The following MAGEC2 variants were observed in gnomAD, a reference collection of about 807,000 sequenced individuals.
MAGEC2 encodes melanoma-associated antigen C2.
For synonymous variants in MAGEC2, 127 were observed against 115.1 expected, an observed-to-expected ratio of 1.10 and a Z score of -0.66; for missense variants, 332 against 282.3, an observed-to-expected ratio of 1.18 and a Z score of -1.26.
In MAGEC2 at chrX:142,203,136, C is replaced by G. The variant is rs1253355356; in HGVS notation, c.852G>C (p.Leu284=). 2 of 1,211,564 alleles carry G rather than the reference C, an allele frequency of 1.7e-6. No individual in the cohort carries two copies. Among genetic ancestry groups the G allele is most frequent in the South Asian group, 3.5e-5 (2 of 56,933 alleles). Residue 284 remains leucine (L), a synonymous_variant, in exon 3 of 3, where the codon CTG becomes CTC. Transcript: ENST00000247452. ...AACTGTGGGGCACCTCCCGATACTC[C>G]AGGTAATGTCCCTGCACCCAAACTT... ...LTKVWVQGHY[L]EYREVPHSSP...
In MAGEC2 at chrX:142,203,701, G is replaced by C. The variant is rs1931190444; in HGVS notation, c.287C>G (p.Ser96Cys). The change falls in exon 3 of 3, where the codon TCC becomes TGC. Residue 96 changes from serine (S) to cysteine (C), a missense_variant. Physicochemically the swap from Ser to Cys is moderately radical, Grantham distance 112. Transcript: ENST00000247452. ...GCAGCAGGAGCTCAGAGGACTCTGG[G>C]AAGGACCCTGTGGAGGACCCTGTGG... ...SPPQGPPQGPSQSPLSSCCSS... is the reference protein window; with the variant it reads ...SPPQGPPQGPCQSPLSSCCSS... 1 of 1,210,382 alleles carries C rather than the reference G, an allele frequency of 8.3e-7. No individual in the cohort carries two copies. The highest frequency in any genetic ancestry group is 1.1e-6 in the Non-Finnish European group (1 of 895,061).
At position 142,202,877 on chromosome X, in the gene MAGEC2, A is replaced by C; in HGVS notation, c.1111T>G (p.Phe371Val). Residue 371 changes from phenylalanine (F) to valine (V), a missense_variant, in exon 3 of 3, where the codon TTT (phenylalanine) becomes GTT (valine). By Grantham distance (50) the Phe-to-Val change is conservative. Coordinates refer to ENST00000247452, the MANE Select transcript of MAGEC2 (RefSeq NM_016249.4). Reference protein sequence around the residue: ...SLSVMSSNVSFSE With the variant: ...SLSVMSSNVSVSE ...AACTATCCTAGACTTCACTCAGAAA[A>C]GGAGACGTTGCTGGACATGACACTG... 1 of 1,208,138 alleles carries C rather than the reference A, an allele frequency of 8.3e-7. No individual in the cohort carries two copies. Among genetic ancestry groups the C allele is most frequent in the East Asian group, 3.0e-5 (1 of 33,784 alleles).
In MAGEC2 at chrX:142,203,864, C is replaced by T. The variant is rs780977364; in HGVS notation, c.124G>A (p.Ala42Thr). 1.3e-5 allele frequency: 15 copies of T among 1,195,887 alleles called. No individual in the cohort carries two copies. Among genetic ancestry groups the T allele is most frequent in the Middle Eastern group, 2.3e-4 (1 of 4,256 alleles). Residue 42 changes from alanine to threonine, a missense_variant, in exon 3 of 3, where the codon GCC (alanine) becomes ACC (threonine). By Grantham distance (58) the Ala-to-Thr change is moderately conservative. Transcript: ENST00000247452. Reference sequence around the variant, plus strand: ...AATACTAAGTACAAAGTGGAAGAGGCGGAGGAGGCTTCCTCCTCTTCCTCA... The same window carrying T: ...AATACTAAGTACAAAGTGGAAGAGGTGGAGGAGGCTTCCTCCTCTTCCTCA... ...TDEEEEEASS[A>T]SSTLYLVFSP... is the part of the protein sequence containing the mutation.
Position 142,203,768 on chromosome X carries a change from C to G in MAGEC2, c.220G>C (p.Gly74Arg). Residue 74 changes from glycine (G) to arginine (R), a missense_variant, in exon 3 of 3, where the codon GGT becomes CGT. By Grantham distance (125) the Gly-to-Arg change is moderately radical (BLOSUM62 -2). Transcript: ENST00000247452. The part of the protein sequence containing the change: ...GGPEEEEVPS[G>R]VIPNLTESIP... Reference sequence around the variant, plus strand: ...CTCTCGGTAAGATTTGGTATCACACCAGAGGGCACCTCCTCCTCCTCAGGA... The same window carrying G: ...CTCTCGGTAAGATTTGGTATCACACGAGAGGGCACCTCCTCCTCCTCAGGA... 8.3e-7 allele frequency: 1 copy of G among 1,202,768 alleles called. No homozygotes were observed. The highest frequency in any genetic ancestry group is 1.1e-6 in the Non-Finnish European group (1 of 891,095).
Position 142,203,751 on chromosome X carries a change from A to G in MAGEC2, c.237T>C (p.Leu79=). ...EEVPSGVIPN[L]TESIPSSPPQ... ...GAGGACTACTGGGAATGCTCTCGGTAAGATTTGGTATCACACCAGAGGGCA... is the reference window on the plus strand; with the variant it reads ...GAGGACTACTGGGAATGCTCTCGGTGAGATTTGGTATCACACCAGAGGGCA... Residue 79 remains leucine (L), a synonymous_variant, in exon 3 of 3, where the codon CTT becomes CTC. Transcript: ENST00000247452. 1 of 1,207,335 alleles carries G rather than the reference A, an allele frequency of 8.3e-7. No homozygotes were observed. Among genetic ancestry groups the G allele is most frequent in the Non-Finnish European group, 1.1e-6 (1 of 893,205 alleles).
chrX:142,202,544 T>A lies in MAGEC2; in HGVS notation c.*322A>T. On this transcript the variant is annotated 3_prime_UTR_variant, in exon 3 of 3. Coordinates refer to ENST00000247452, the MANE Select transcript of MAGEC2 (RefSeq NM_016249.4). ...AAAAAAAAAAAAATGCCTATTACAA[T>A]ACCACACTACCCTGTTACAGATCAC... 1 of 197,322 alleles carries A rather than the reference T, an allele frequency of 5.1e-6. No homozygotes were observed. The highest frequency in any genetic ancestry group is 9.3e-5 in the East Asian group (1 of 10,710). 16.3% of individuals were successfully genotyped at this position (197,322 alleles called of 1,213,427 possible).
chrX:142,204,013 A>G lies in MAGEC2; in HGVS notation c.-26T>C. On this transcript the variant is annotated 5_prime_UTR_variant, in exon 3 of 3. Transcript: ENST00000247452. ...GACGACTTCTTCAGGAGCAGCAGGT[A>G]AACGTATCAACAGGGATATGGATGA... is the stretch of plus-strand genomic sequence containing the variant. The G allele has an allele frequency of 8.4e-7, 1 of 1,188,962 alleles. No individual in the cohort carries two copies. The highest frequency in any genetic ancestry group is 1.1e-6 in the Non-Finnish European group (1 of 883,968).
chrX:142,204,212 AG>A, intron 2 of MAGEC2, 149 bp downstream of exon 2: 1 of 669,998 alleles, frequency 1.5e-6, no homozygotes, highest in Middle Eastern at 5.0e-4. Flanking sequence ...GGGAACCTGT[AG>A]GAGGATGTGG....
In MAGEC2 at chrX:142,203,590, C is replaced by T. The variant is rs764665955; in HGVS notation, c.398G>A (p.Ser133Asn). 2.5e-6 allele frequency: 3 copies of T among 1,208,928 alleles called. No individual in the cohort carries two copies. Among genetic ancestry groups the T allele is most frequent in the African/African-American group, 3.5e-5 (2 of 56,781 alleles). ...DTGTCQGLPD[S>N]ESSFTYTLDE... ...TAGTGTATATGTGAAAGAGGACTCACTGTCTGGCAGGCCCTGACAGGTGCC... is the reference window on the plus strand; with the variant it reads ...TAGTGTATATGTGAAAGAGGACTCATTGTCTGGCAGGCCCTGACAGGTGCC... The change falls in exon 3 of 3, where the codon AGT becomes AAT. Residue 133 changes from serine (S) to asparagine (N), a missense_variant. Coordinates refer to ENST00000247452, the MANE Select transcript of MAGEC2 (RefSeq NM_016249.4).
In MAGEC2 at chrX:142,203,549, C is replaced by T. The variant is rs746441751; in HGVS notation, c.439G>A (p.Glu147Lys). 5.0e-6 allele frequency: 6 copies of T among 1,209,031 alleles called. No homozygotes were observed. Among genetic ancestry groups the T allele is most frequent in the Non-Finnish European group, 5.6e-6 (5 of 894,932 alleles). ...TTGAGGAGCAGGAACTCCACTAACTCGGCCACCTTTTCATCTAGTGTATAT... is the reference window on the plus strand; with the variant it reads ...TTGAGGAGCAGGAACTCCACTAACTTGGCCACCTTTTCATCTAGTGTATAT... ...FTYTLDEKVA[E>K]LVEFLLLKYE... is the part of the protein sequence containing the mutation. The change falls in exon 3 of 3, where the codon GAG becomes AAG. Residue 147 changes from glutamate to lysine, a missense_variant. By Grantham distance (56) the Glu-to-Lys change is moderately conservative. Coordinates refer to ENST00000247452, the MANE Select transcript of MAGEC2 (RefSeq NM_016249.4).
chrX:142,202,527 A>G lies in MAGEC2; in HGVS notation c.*339T>C, dbSNP rs977652762. The G allele has an allele frequency of 8.8e-5, 15 of 169,514 alleles. No homozygotes were observed. Among genetic ancestry groups the G allele is most frequent in the Middle Eastern group, 2.0e-3 (1 of 502 alleles). The allele number at this position is 169,514 out of a possible 1,213,427, so 14.0% of individuals were successfully genotyped here. On this transcript the variant is annotated 3_prime_UTR_variant, in exon 3 of 3. Coordinates refer to ENST00000247452, the MANE Select transcript of MAGEC2 (RefSeq NM_016249.4). ...GTTATTGCACATTGTAAAAAAAAAA[A>G]AAAATGCCTATTACAATACCACACT... is the stretch of plus-strand genomic sequence containing the variant.
In MAGEC2 at chrX:142,204,019, A is replaced by G; in HGVS notation, c.-32T>C. 2 of 1,187,606 alleles carry G rather than the reference A, an allele frequency of 1.7e-6. No individual in the cohort carries two copies. Among genetic ancestry groups the G allele is most frequent in the Middle Eastern group, 2.9e-4 (1 of 3,410 alleles). ...TTCTTCAGGAGCAGCAGGTAAACGT[A>G]TCAACAGGGATATGGATGATGAGAT... On this transcript the variant is annotated 5_prime_UTR_variant, in exon 3 of 3. Transcript: ENST00000247452.
At position 142,204,471 on chromosome X, in the gene MAGEC2, A is replaced by T. The variant is rs1457037228; in HGVS notation, c.-160-16T>A. 1 of 170,473 alleles carries T rather than the reference A, an allele frequency of 5.9e-6. No homozygotes were observed. The highest frequency in any genetic ancestry group is 1.1e-5 in the Non-Finnish European group (1 of 91,604). The allele number at this position is 170,473 out of a possible 1,213,427, so 14.0% of individuals were successfully genotyped here. On this transcript the variant is annotated splice_polypyrimidine_tract_variant and intron_variant, in intron 1 of 2. Transcript: ENST00000247452. ...CCTGGAGCACCTGCAAGAGGAAGTGAGGGAGCCCCTCAGGCTAAAGACTGC... is the reference window on the plus strand; with the variant it reads ...CCTGGAGCACCTGCAAGAGGAAGTGTGGGAGCCCCTCAGGCTAAAGACTGC...
chrX:142,203,803 A>G lies in MAGEC2; in HGVS notation c.185T>C (p.Ile62Thr). Residue 62 changes from isoleucine (I) to threonine (T), a missense_variant, in exon 3 of 3, where the codon ATT (isoleucine) becomes ACT (threonine). By Grantham distance (89) the Ile-to-Thr change is moderately conservative (BLOSUM62 -1). Transcript: ENST00000247452. ...CTCCTCCTCCTCAGGACCACCAAGA[A>G]TCAGAGAAGAGGATGTGGAGAAAGA... ...PSSFSTSSSL[I>T]LGGPEEEEVP... The G allele has an allele frequency of 8.3e-7, 1 of 1,198,529 alleles. No homozygotes were observed. The highest frequency in any genetic ancestry group is 1.1e-6 in the Non-Finnish European group (1 of 890,308).
chrX:142,203,925 C>T lies in MAGEC2; in HGVS notation c.63G>A (p.Glu21=). The T allele has an allele frequency of 8.5e-7, 1 of 1,179,411 alleles. No homozygotes were observed. The stretch of plus-strand genomic sequence containing the variant: ...GCTGTGCATCTACCCAGTCTTCTAA[C>T]TCAACTGAGGTCGGGGAGTCGTTGT... ...NVDNDSPTSV[E]LEDWVDAQHP... The change falls in exon 3 of 3, where the codon GAG becomes GAA. Residue 21 remains glutamate, a synonymous_variant. Transcript: ENST00000247452.
chrX:142,202,967 C>G lies in MAGEC2; in HGVS notation c.1021G>C (p.Glu341Gln). The G allele has an allele frequency of 1.7e-6, 2 of 1,211,823 alleles. No homozygotes were observed. The highest frequency in any genetic ancestry group is 5.9e-5 in the East Asian group (2 of 33,828). The change falls in exon 3 of 3, where the codon GAA becomes CAA. Residue 341 changes from glutamate (E) to glutamine (Q), a missense_variant. Physicochemically the swap from Glu to Gln is conservative, Grantham distance 29. Coordinates refer to ENST00000247452, the MANE Select transcript of MAGEC2 (RefSeq NM_016249.4). The stretch of plus-strand genomic sequence containing the variant: ...TCAATTGTGGCCTGGACTCTCTCTT[C>G]CACATCTTTCAAAGCATCCTTGTAC... ...SWYKDALKDV[E>Q]ERVQATIDTA...
rs922418672 is a variant in MAGEC2 at position 142,203,949 on chromosome X, G to C, written c.39C>G (p.Asp13Glu). Residue 13 changes from aspartate (D) to glutamate (E), a missense_variant, in exon 3 of 3, where the codon GAC becomes GAG. By Grantham distance (45) the Asp-to-Glu change is conservative. Transcript: ENST00000247452. ...ACTCAACTGAGGTCGGGGAGTCGTT[G>C]TCAACGTTGCGGAATGGAACGCCTG... ...PVPGVPFRNV[D>E]NDSPTSVELE... The C allele has an allele frequency of 2.6e-6, 3 of 1,175,476 alleles. No homozygotes were observed. Among genetic ancestry groups the C allele is most frequent in the Non-Finnish European group, 3.4e-6 (3 of 879,008 alleles).
At chrX:142,204,082 C>T in intron 2 of MAGEC2, 29 bp from the exon 3 acceptor site, 1 of 1,186,613 alleles carries the variant, frequency 8.4e-7, no homozygotes. Context: ...GTGTGAGTGG[C>T]CTCAGCTGAG....
rs1239092402 is a variant in MAGEC2 at position 142,203,003 on chromosome X, A to C, written c.985T>G (p.Phe329Val). 8.3e-7 allele frequency: 1 copy of C among 1,211,870 alleles called. No individual in the cohort carries two copies. The highest frequency in any genetic ancestry group is 1.8e-5 in the South Asian group (1 of 56,970). The change falls in exon 3 of 3, where the codon TTT (phenylalanine) becomes GTT (valine). Residue 329 changes from phenylalanine (F) to valine (V), a missense_variant. Coordinates refer to ENST00000247452, the MANE Select transcript of MAGEC2 (RefSeq NM_016249.4). ...AAAGCATCCTTGTACCAGGATGGAAAGGAACTAGGAACAGTGTTGTTCAGC... is the reference window on the plus strand; with the variant it reads ...AAAGCATCCTTGTACCAGGATGGAACGGAACTAGGAACAGTGTTGTTCAGC... ...AKLNNTVPSS[F>V]PSWYKDALKD...
Sources: allele counts gnomAD v4.1 joint callset, GRCh38; gene constraint gnomAD v4.1.1; transcripts MANE v1.5; gene names NCBI Gene and HGNC (gene_info 2026-07-23, HGNC 2026-07-21).